The following FGF14 variants were observed in gnomAD, a reference collection of about 807,000 sequenced individuals.
FGF14 encodes the protein fibroblast growth factor 14.
A neutral mutation model predicts 25.5 loss-of-function variants in FGF14; 5 were observed. The ratio of observed to expected loss-of-function variants is 0.20; its 90% CI spans 0.10 to 0.41. The LOEUF (loss-of-function observed/expected upper bound fraction) is 0.41. Ranked by LOEUF, FGF14 falls within the 10% of genes least tolerant of loss-of-function variation. The pLI is 1.00. For synonymous variants in FGF14, 138 were observed against 118.3 expected, an observed-to-expected ratio of 1.17 and a Z score of -1.08; for missense variants, 222 against 320.1, an observed-to-expected ratio of 0.69 and a Z score of 2.34.
chr13:101,742,470 T>C (rs1439211888), intron 3 of FGF14, among the ~76,000 whole-genome samples: 1 of 152,078 alleles, frequency 6.6e-6, no homozygotes, highest in African/African-American at 2.4e-5. Flanking sequence ...AATAAAAAGA[T>C]TGAAGATTTA....
At chr13:102,275,349 G>C (rs1304240469) in intron 1 of FGF14, among the ~76,000 whole-genome samples, 2 of 148,926 alleles carry the variant, frequency 1.3e-5, no homozygotes, top group Non-Finnish European at 3.0e-5. Flanking sequence ...TAAAAAATAT[G>C]CCAAAAATAT....
chr13:102,155,033 A>G (rs886705702), intron 1 of FGF14, among the ~76,000 whole-genome samples: 3 of 152,302 alleles, frequency 2.0e-5, no homozygotes, highest in Non-Finnish European at 4.4e-5. Context: ...GAGACCTATA[A>G]AGAGACTTAG....
intron 1 of FGF14, among the ~76,000 whole-genome samples, chr13:102,308,916 C>CAAAAAAAAAAAAAAAAAA (rs71125061): frequency 9.7e-5 from 6 of 61,994 alleles, no homozygotes; most frequent in Non-Finnish European, 1.6e-4. Context: ...GTTTCTTATA[C>CAAAAAAAAAAAAAAAAAA]AAAAAAAAAA....
chr13:102,268,898 CAAG>C (rs991898286), intron 1 of FGF14, among the ~76,000 whole-genome samples: 1 of 152,224 alleles, frequency 6.6e-6, no homozygotes, highest in African/African-American at 2.4e-5. Context: ...GCCTCTATAA[CAAG>C]AAGATCATTC....
intron 4 of FGF14, 142 bp downstream of exon 4, chr13:101,726,470 C>T (rs1350075747): frequency 2.6e-6 from 2 of 760,834 alleles, no homozygotes; most frequent in East Asian, 5.4e-5. Flanking sequence ...TAAGTAGGCA[C>T]CTGTGCAACC....
At chr13:101,794,036 A>G (rs972578101) in intron 3 of FGF14, among the ~76,000 whole-genome samples, 1 of 152,062 alleles carries the variant, frequency 6.6e-6, no homozygotes, top group African/African-American at 2.4e-5. Context: ...CACATCAGCA[A>G]TTCAAGCAGT....
intron 1 of FGF14, among the ~76,000 whole-genome samples, chr13:102,177,658 A>G (rs1328471682): frequency 6.6e-6 from 1 of 152,094 alleles, no homozygotes; most frequent in Non-Finnish European, 1.5e-5. Flanking sequence ...CAAAACTCTT[A>G]AAGTCTGCTT....
intron 1 of FGF14, among the ~76,000 whole-genome samples, chr13:102,194,380 T>C (rs948900824): frequency 6.6e-6 from 1 of 152,076 alleles, no homozygotes; most frequent in Non-Finnish European, 1.5e-5. Context: ...ACCCGTCACC[T>C]AGGTATTAAG....
At chr13:102,271,212 C>T (rs2053228635) in intron 1 of FGF14, among the ~76,000 whole-genome samples, 1 of 152,070 alleles carries the variant, frequency 6.6e-6, no homozygotes, top group Non-Finnish European at 1.5e-5. Context: ...TGAAATTTTT[C>T]TTGAAATTAA....
chr13:101,889,115 T>A (rs1795802714), intron 1 of FGF14, among the ~76,000 whole-genome samples: 1 of 152,154 alleles, frequency 6.6e-6, no homozygotes, highest in Non-Finnish European at 1.5e-5. Context: ...AGCATGCCAG[T>A]GCCTTGATCT....
At chr13:101,849,983 T>C (rs2043666371) in intron 3 of FGF14, among the ~76,000 whole-genome samples, 1 of 152,022 alleles carries the variant, frequency 6.6e-6, no homozygotes, top group Admixed American at 6.6e-5. Flanking sequence ...TAGAATTTTT[T>C]ATAAATGTGG....
chr13:101,775,071 T>C (rs1341035120), intron 3 of FGF14, among the ~76,000 whole-genome samples: 2 of 151,972 alleles, frequency 1.3e-5, no homozygotes, highest in African/African-American at 2.4e-5. Flanking sequence ...TTATATGGAC[T>C]ATGTGTTCCA....
intron 3 of FGF14, among the ~76,000 whole-genome samples, chr13:101,727,118 T>A (rs755914893): frequency 6.6e-6 from 1 of 152,066 alleles, no homozygotes; most frequent in East Asian, 1.9e-4. Context: ...AAGGGAGCAT[T>A]AAAGTAGCAT....
chr13:101,806,018 T>C (rs1007565567), intron 3 of FGF14, among the ~76,000 whole-genome samples: 3 of 151,968 alleles, frequency 2.0e-5, no homozygotes, highest in Non-Finnish European at 2.9e-5. Flanking sequence ...TTCATTATTG[T>C]ATATGGAACA....
rs910802187 is a variant in FGF14, at chr13:102,259,875, C to G, written c.208+141596G>C. 2.0e-5 allele frequency among the ~76,000 whole-genome samples: 3 copies of G among 152,098 alleles called. No homozygotes were observed. In the East Asian group the frequency reaches 5.8e-4, roughly 29 times the overall value. On this transcript the variant is annotated intron_variant, in intron 1 of 4. Transcript: ENST00000376131. ...TGACACCCATTGCTTTATGTCTTTG[C>G]TCTGGAAAAAAGCAGGAGCATGTTT... is the stretch of plus-strand genomic sequence containing the variant.
At chr13:101,807,080 G>T (rs2041245513) in intron 3 of FGF14, among the ~76,000 whole-genome samples, 1 of 152,104 alleles carries the variant, frequency 6.6e-6, no homozygotes, top group South Asian at 2.1e-4. Context: ...GATGGTGCAA[G>T]AAAGAAAACA....
chr13:102,008,084 C>G (rs1222258945), intron 1 of FGF14, among the ~76,000 whole-genome samples: 8 of 152,146 alleles, frequency 5.3e-5, no homozygotes, highest in Non-Finnish European at 1.0e-4. Flanking sequence ...AATTACCATC[C>G]TCTAGAGATC....
intron 1 of FGF14, among the ~76,000 whole-genome samples, chr13:102,069,099 T>C (rs2043040143): frequency 6.6e-6 from 1 of 151,376 alleles, no homozygotes; most frequent in Non-Finnish European, 1.5e-5. Context: ...GCTCAGGGAT[T>C]GTAAATACAC....
chr13:102,044,533 T>C (rs1240911379), intron 1 of FGF14, among the ~76,000 whole-genome samples: 2 of 148,112 alleles, frequency 1.4e-5, no homozygotes, highest in African/African-American at 4.9e-5. Flanking sequence ...AGTCTCCTCT[T>C]TCGTAAAAAA....
Sources: gnomAD v4.1 joint callset for allele counts (sites outside exome capture counted in the v4.1 genomes callset) on GRCh38, gnomAD v4.1.1 for gene constraint, MANE v1.5 for transcripts, NCBI Gene and HGNC (gene_info 2026-07-23, HGNC 2026-07-21) for gene names.